THOP1: variants seen among roughly 807,000 people sequenced by gnomAD.
The protein encoded by THOP1 is thimet oligopeptidase.
A neutral mutation model predicts 71.8 loss-of-function variants in THOP1; 49 were observed. The observed-to-expected ratio is 0.68, with a 90% confidence interval of 0.54 to 0.87. THOP1 has a LOEUF of 0.87. Among genes scored for constraint, THOP1 ranks in the 40% least tolerant of loss-of-function variants. The pLI is 0.00. For synonymous variants in THOP1, 426 were observed against 421.5 expected (o/e 1.01, Z -0.13); for missense variants, 843 against 975.6 (o/e 0.86, Z 1.81).
In THOP1 at chr19:2,807,564, A is replaced by T; in HGVS notation, c.1009A>T (p.Met337Leu). The T allele has an allele frequency of 6.2e-7, 1 of 1,612,622 alleles. No individual in the cohort carries two copies. Among genetic ancestry groups the T allele is most frequent in the Non-Finnish European group, 8.5e-7 (1 of 1,179,852 alleles). The part of the protein sequence containing the change: ...PFDGRIRAWD[M>L]RYYMNQVEET... ...CGACGGCCGCATCCGTGCCTGGGAC[A>T]TGCGCTACTACATGAACCAGGTGGA... is the stretch of plus-strand genomic sequence containing the variant. The change falls in exon 8 of 13, where the codon ATG (methionine) becomes TTG (leucine). Residue 337 changes from methionine to leucine, a missense_variant. Met to Leu is a conservative substitution (Grantham distance 15). Coordinates refer to ENST00000307741, the MANE Select transcript of THOP1 (RefSeq NM_003249.5).
chr19:2,803,973 C>T (rs1477289688), intron 5 of THOP1, among the ~76,000 whole-genome samples: 1 of 152,134 alleles, frequency 6.6e-6, no homozygotes, highest in Non-Finnish European at 1.5e-5. Flanking sequence ...TCCACCCTGA[C>T]CGCCCTGGGG....
rs1182009219 is a variant in THOP1 at position 2,801,227 on chromosome 19, G to A, written c.589+1436G>A. 6.6e-6 allele frequency among the ~76,000 whole-genome samples: 1 copy of A among 152,222 alleles called. No homozygotes were observed. The highest frequency in any genetic ancestry group is 1.5e-5 in the Non-Finnish European group (1 of 68,038). ...CCTGGGGAAGTCTGTATGAAGCGCGGTGGAAGTTCAGTTGGCATCAGCCAG... is the reference window on the plus strand; with the variant it reads ...CCTGGGGAAGTCTGTATGAAGCGCGATGGAAGTTCAGTTGGCATCAGCCAG... On this transcript the variant is annotated intron_variant, in intron 5 of 12. Coordinates refer to ENST00000307741, the MANE Select transcript of THOP1 (RefSeq NM_003249.5). This position sits in a 1 kb window ranked among gnomAD's most constrained non-coding sequence, Gnocchi z 5.1.
At chr19:2,797,289 GA>G (rs747147884) in intron 4 of THOP1, among the ~76,000 whole-genome samples, 66 of 152,272 alleles carry the variant, frequency 4.3e-4, no homozygotes, top group Middle Eastern at 3.4e-3. Context: ...ATTTGCACGT[GA>G]AAGATGTTTG....
Position 2,811,695 on chromosome 19 carries a change from C to G in THOP1, c.1869C>G (p.Phe623Leu). Residue 623 changes from phenylalanine to leucine, a missense_variant, in exon 12 of 13, where the codon TTC becomes TTG. Coordinates refer to ENST00000307741, the MANE Select transcript of THOP1 (RefSeq NM_003249.5). ...GCGAGGTGTATTCCATGGACATGTT[C>G]CACACGCGCTTCAAGCAGGAGGGTG... ...LWSEVYSMDM[F>L]HTRFKQEGVL... 6.2e-7 allele frequency: 1 copy of G among 1,613,486 alleles called. No homozygotes were observed. The highest frequency in any genetic ancestry group is 8.5e-7 in the Non-Finnish European group (1 of 1,179,950).
At chr19:2,795,272 T>C (rs1210471361) in intron 3 of THOP1, among the ~76,000 whole-genome samples, 4 of 152,268 alleles carry the variant, frequency 2.6e-5, no homozygotes, top group Non-Finnish European at 4.4e-5. Context: ...ACATGTGCAC[T>C]TTCATTTCCT....
intron 5 of THOP1, among the ~76,000 whole-genome samples, chr19:2,800,567 G>C (rs1175728639): frequency 1.3e-5 from 2 of 152,250 alleles, no homozygotes; most frequent in Non-Finnish European, 2.9e-5. Context: ...GGTGGGTGGG[G>C]ACAAGGCCCT....
rs1421647651 is a variant in THOP1, at chr19:2,811,650, G to A, written c.1824G>A (p.Gln608=). The stretch of plus-strand genomic sequence containing the variant: ...ATCTGGCAGGTGGCTACGACGCCCA[G>A]TACTACGGGTACCTGTGGAGCGAGG... ...FGHLAGGYDA[Q]YYGYLWSEVY... is the part of the protein sequence containing the mutation. Residue 608 remains glutamine, a synonymous_variant, in exon 12 of 13, where the codon CAG becomes CAA. Transcript: ENST00000307741. 1.2e-6 allele frequency: 2 copies of A among 1,613,352 alleles called. No homozygotes were observed. The highest frequency in any genetic ancestry group is 1.7e-6 in the Non-Finnish European group (2 of 1,179,986).
intron 1 of THOP1, among the ~76,000 whole-genome samples, chr19:2,788,377 C>T (rs915434316): frequency 6.6e-6 from 1 of 152,232 alleles, no homozygotes; most frequent in Admixed American, 6.5e-5. Context: ...GTTAGTGCCA[C>T]TGTCCCATCC....
At chr19:2,796,217 C>A in intron 4 of THOP1, 29 bp downstream of exon 4, 2 of 1,553,194 alleles carry the variant, frequency 1.3e-6, no homozygotes, top group Non-Finnish European at 8.8e-7. Flanking sequence ...GAGTGCTGGG[C>A]GTGGGCAATG....
rs1395934492 is a variant in THOP1, at chr19:2,801,317, G to A, written c.589+1526G>A. On this transcript the variant is annotated intron_variant, in intron 5 of 12. Coordinates refer to ENST00000307741, the MANE Select transcript of THOP1 (RefSeq NM_003249.5). This position sits in a 1 kb window ranked among gnomAD's most constrained non-coding sequence, Gnocchi z 5.1. ...GCCGGTTTCAGCCAGTTTTGTTCTTGTCGGCGTTTCAGCTGCCTGTTTCTT... is the reference window on the plus strand; with the variant it reads ...GCCGGTTTCAGCCAGTTTTGTTCTTATCGGCGTTTCAGCTGCCTGTTTCTT... Among the ~76,000 whole-genome samples, 1 of 152,212 alleles carries A rather than the reference G, an allele frequency of 6.6e-6. No individual in the cohort carries two copies. Among genetic ancestry groups the A allele is most frequent in the Non-Finnish European group, 1.5e-5 (1 of 68,050 alleles).
rs189546846 is a variant in THOP1 at position 2,807,820 on chromosome 19, C to T, written c.1253+12C>T. ...GACCTGTACCCGCGGTGGGTGAGGGCAGCGGGGGCGGGGGGCGCACCCCGG... is the reference window on the plus strand; with the variant it reads ...GACCTGTACCCGCGGTGGGTGAGGGTAGCGGGGGCGGGGGGCGCACCCCGG... On this transcript the variant is annotated intron_variant, in intron 8 of 12. Coordinates refer to ENST00000307741, the MANE Select transcript of THOP1 (RefSeq NM_003249.5). The T allele has an allele frequency of 1.5e-3, 2,191 of 1,462,794 alleles. 21 individuals are homozygous for T. In the African/African-American group the frequency reaches 0.028, roughly 18 times the overall value. 90.6% of individuals were successfully genotyped at this position (1,462,794 alleles called of 1,614,324 possible).
chr19:2,805,622 C>T lies in THOP1; in HGVS notation c.750+446C>T, dbSNP rs1235426523. The stretch of plus-strand genomic sequence containing the variant: ...TCAGACGGCCGTTCCCACAGGGACA[C>T]ATGTAACTGTCCACGGCGCCATGGT... On this transcript the variant is annotated intron_variant, in intron 6 of 12. Coordinates refer to ENST00000307741, the MANE Select transcript of THOP1 (RefSeq NM_003249.5). The surrounding 1 kb of genome is among the most constrained non-coding windows in gnomAD (Gnocchi z 6.6). 6.6e-6 allele frequency among the ~76,000 whole-genome samples: 1 copy of T among 152,166 alleles called. No individual in the cohort carries two copies. Among genetic ancestry groups the T allele is most frequent in the Non-Finnish European group, 1.5e-5 (1 of 68,020 alleles).
At position 2,785,590 on chromosome 19, in the gene THOP1, C is replaced by T. The variant is rs1915721248; in HGVS notation, c.-73C>T. 4.8e-6 allele frequency: 7 copies of T among 1,472,840 alleles called. No homozygotes were observed. The Admixed American group carries it at 9.2e-5, about 19-fold the overall frequency. The allele number at this position is 1,472,840 out of a possible 1,614,324, so 91.2% of individuals were successfully genotyped here. A position where few individuals can be genotyped will look rare whatever the true frequency, so the allele number is the denominator to read the frequency against. ...CGGCGGTTGGGCCGAGGCAGGCGGCCTCAGTGGCCGAGGTGGCTGGACGCG... is the reference window on the plus strand; with the variant it reads ...CGGCGGTTGGGCCGAGGCAGGCGGCTTCAGTGGCCGAGGTGGCTGGACGCG... On this transcript the variant is annotated 5_prime_UTR_variant, in exon 1 of 13. Coordinates refer to ENST00000307741, the MANE Select transcript of THOP1 (RefSeq NM_003249.5).
rs1290746587 is a variant in THOP1, at chr19:2,815,042, C to T, written c.*1766C>T. 6.6e-6 allele frequency: 1 copy of T among 152,354 alleles called. No homozygotes were observed. Among genetic ancestry groups the T allele is most frequent in the East Asian group, 1.9e-4 (1 of 5,200 alleles). The allele number at this position is 152,354 out of a possible 1,614,324, so 9.4% of individuals were successfully genotyped here. ...CTGCACTGCAGCCTGGGCAACAGAG[C>T]AAGACTGTCTCTAAAATAACAATAA... On this transcript the variant is annotated 3_prime_UTR_variant, in exon 13 of 13. Coordinates refer to ENST00000307741, the MANE Select transcript of THOP1 (RefSeq NM_003249.5).
intron 1 of THOP1, chr19:2,786,865 G>C (rs1021144935): frequency 6.7e-6 from 1 of 150,050 alleles, no homozygotes; most frequent in Non-Finnish European, 1.5e-5. Flanking sequence ...CCAGGTTCAC[G>C]CCATTCTCCT....
intron 9 of THOP1, 140 bp from the exon 10 acceptor site, chr19:2,810,164 G>C: frequency 1.7e-6 from 2 of 1,148,356 alleles, no homozygotes; most frequent in South Asian, 1.6e-5. Flanking sequence ...TCGTTTTCCA[G>C]TTTTGGGGTG....
rs377146948 is a variant in THOP1 at position 2,807,172 on chromosome 19, G to A, written c.886+120G>A. On this transcript the variant is annotated intron_variant, in intron 7 of 12. Transcript: ENST00000307741. Reference sequence around the variant, plus strand: ...TTTCCCTCCATGAAGAGGGACTTCTGACGCCTGCCCTGGCTCCCTCACTCC... The same window carrying A: ...TTTCCCTCCATGAAGAGGGACTTCTAACGCCTGCCCTGGCTCCCTCACTCC... 24 of 1,363,978 alleles carry A rather than the reference G, an allele frequency of 1.8e-5. No individual in the cohort carries two copies. In the South Asian group the frequency reaches 2.5e-4, roughly 14 times the overall value. 84.5% of individuals were successfully genotyped at this position (1,363,978 alleles called of 1,614,324 possible). A position where few individuals can be genotyped will look rare whatever the true frequency, so the allele number is the denominator to read the frequency against.
In THOP1 at chr19:2,813,144, G is replaced by A; in HGVS notation, c.1938G>A (p.Leu646=). Residue 646 remains leucine (L), a synonymous_variant, in exon 13 of 13, where the codon CTG becomes CTA. Transcript: ENST00000307741. ...GCATGGATTACAGAAGCTGCATCCT[G>A]AGACCCGGCGGTTCCGAGGATGCCA... ...KVGMDYRSCI[L]RPGGSEDASA... 1.2e-6 allele frequency: 2 copies of A among 1,611,814 alleles called. No homozygotes were observed. Among genetic ancestry groups the A allele is most frequent in the South Asian group, 2.2e-5 (2 of 90,896 alleles).
chr19:2,795,984 G>A (rs1447518367), intron 3 of THOP1, 97 bp from the exon 4 acceptor site: 13 of 884,864 alleles, frequency 1.5e-5, no homozygotes, highest in South Asian at 4.5e-5. Context: ...CAAGTCACAC[G>A]GGGGCCGGAT....
Sources: gnomAD v4.1 joint callset for allele counts (sites outside exome capture counted in the v4.1 genomes callset) on GRCh38, gnomAD v4.1.1 for gene constraint, Gnocchi (gnomAD v3.1) non-coding constraint, MANE v1.5 for transcripts, NCBI Gene and HGNC (gene_info 2026-07-23, HGNC 2026-07-21) for gene names.